The following REC114 variants were observed in gnomAD, a reference collection of about 807,000 sequenced individuals.
REC114 encodes the protein meiotic recombination protein REC114.
REC114 carries 27 observed loss-of-function variants against 31.3 expected under a neutral mutation model. The observed-to-expected ratio is 0.86, with a 90% CI of 0.64 to 1.19. REC114 has a LOEUF of 1.19. Ranked by LOEUF, REC114 falls within the 50% of genes most tolerant of loss-of-function variation. The pLI is 0.00. For synonymous variants in REC114, 134 were observed against 127.7 expected, an observed-to-expected ratio of 1.05 and a Z score of -0.33; for missense variants, 344 against 326.9, an observed-to-expected ratio of 1.05 and a Z score of -0.40.
intron 1 of REC114, among the ~76,000 whole-genome samples, chr15:73,446,640 A>C (rs981163206): frequency 7.3e-6 from 1 of 137,510 alleles, no homozygotes; most frequent in African/African-American, 2.9e-5. Flanking sequence ...ACTCTGTCTC[A>C]AAAAAAAAAA....
chr15:73,541,010 AC>A (rs1406616955), intron 3 of REC114, among the ~76,000 whole-genome samples: 33 of 152,244 alleles, frequency 2.2e-4, no homozygotes, highest in Admixed American at 1.9e-3. Context: ...CATCAAAGAA[AC>A]AGTCATATTA....
chr15:73,541,563 A>C (rs1894237302), intron 3 of REC114, among the ~76,000 whole-genome samples: 1 of 152,212 alleles, frequency 6.6e-6, no homozygotes, highest in Admixed American at 6.5e-5. Context: ...GATTAAAAAC[A>C]TTGTTCTGAG....
intron 3 of REC114, 116 bp from the exon 4 acceptor site, chr15:73,550,822 G>C (rs962917728): frequency 8.0e-6 from 7 of 875,394 alleles, no homozygotes; most frequent in Non-Finnish European, 1.3e-5. Context: ...GAAGATGACT[G>C]TTCCCTTATC....
At chr15:73,484,311 G>T (rs1893336772) in intron 2 of REC114, among the ~76,000 whole-genome samples, 1 of 151,968 alleles carries the variant, frequency 6.6e-6, no homozygotes, top group African/African-American at 2.4e-5. Context: ...GCCATGCTGT[G>T]CCCTCTCCCC....
chr15:73,470,532 T>G (rs1296966237), intron 1 of REC114, among the ~76,000 whole-genome samples: 1 of 152,186 alleles, frequency 6.6e-6, no homozygotes, highest in African/African-American at 2.4e-5. Flanking sequence ...TCTTATTTAC[T>G]TAACCATCCA....
intron 2 of REC114, among the ~76,000 whole-genome samples, chr15:73,477,569 A>G (rs1478939643): frequency 1.3e-5 from 2 of 151,964 alleles, no homozygotes; most frequent in Non-Finnish European, 2.9e-5. Flanking sequence ...GGCATACACC[A>G]CCATGCCTGG....
At chr15:73,493,291 A>C (rs1367097840) in intron 2 of REC114, among the ~76,000 whole-genome samples, 1 of 152,162 alleles carries the variant, frequency 6.6e-6, no homozygotes, top group African/African-American at 2.4e-5. Context: ...ACTCTTAGTG[A>C]AATCTCTGAC....
chr15:73,483,045 C>A (rs769536012), intron 2 of REC114, among the ~76,000 whole-genome samples: 15 of 151,914 alleles, frequency 9.9e-5, no homozygotes, highest in Non-Finnish European at 2.2e-4. Context: ...TTGATCTTAG[C>A]GGGTGTAAGG....
rs748357103 is a variant in REC114, at chr15:73,551,033, C to T, written c.429C>T (p.Tyr143=). The T allele has an allele frequency of 1.1e-5, 17 of 1,613,760 alleles. No homozygotes were observed. The highest frequency in any genetic ancestry group is 1.6e-4 in the Middle Eastern group (1 of 6,064). ...GTTGTGTTCAGAAGCTGGCACAATA[C>T]ATAACCGTGCAGGTGCCTGATGGAA... ...CCSCVQKLAQ[Y]ITVQVPDGNI... The change falls in exon 4 of 6, where the codon TAC becomes TAT. Residue 143 remains tyrosine (Y), a synonymous_variant. Coordinates refer to ENST00000331090, the MANE Select transcript of REC114 (RefSeq NM_001042367.2).
rs753968018 is a variant in REC114 at position 73,539,282 on chromosome 15, A to ATTTTTTTTTTTTTTT, written c.250-1191_250-1177dup. 2.7e-4 allele frequency among the ~76,000 whole-genome samples: 19 copies of ATTTTTTTTTTTTTTT among 70,822 alleles called. 3 individuals carry two copies. The highest frequency in any genetic ancestry group is 8.6e-4 in the African/African-American group (13 of 15,136). 46.5% of individuals were successfully genotyped at this position (70,822 alleles called of 152,430 possible). A position where few individuals can be genotyped will look rare whatever the true frequency, so the allele number is the denominator to read the frequency against. On this transcript the variant is annotated intron_variant, in intron 2 of 5. Transcript: ENST00000331090. Reference sequence around the variant, plus strand: ...GCTTAGAGGTAGCATTTCAGAACTGATTTTTTTTTTTTTTTTTTTTTTTTT... The same window carrying ATTTTTTTTTTTTTTT: ...GCTTAGAGGTAGCATTTCAGAACTGATTTTTTTTTTTTTTTTTTTTTTTTTTTTTTTTTTTTTTTT...
chr15:73,555,890 A>AT (rs762917122), intron 4 of REC114, among the ~76,000 whole-genome samples: 1 of 152,156 alleles, frequency 6.6e-6, no homozygotes, highest in Non-Finnish European at 1.5e-5. Context: ...TTGAGCAATA[A>AT]TTTTTAGAGT....
chr15:73,528,197 TTGA>T (rs1203015648), intron 2 of REC114, among the ~76,000 whole-genome samples: 1 of 152,188 alleles, frequency 6.6e-6, no homozygotes, highest in African/African-American at 2.4e-5. Context: ...AACAAAATAG[TTGA>T]TGAGGCAAAA....
chr15:73,524,046 T>G (rs1893974420), intron 2 of REC114, among the ~76,000 whole-genome samples: 1 of 152,184 alleles, frequency 6.6e-6, no homozygotes, highest in Non-Finnish European at 1.5e-5. Context: ...TTGTGAAAAA[T>G]CTATACAAGG....
chr15:73,551,076 C>A lies in REC114; in HGVS notation c.472C>A (p.Leu158Met). The A allele has an allele frequency of 6.2e-7, 1 of 1,613,674 alleles. No individual in the cohort carries two copies. Among genetic ancestry groups the A allele is most frequent in the Non-Finnish European group, 8.5e-7 (1 of 1,179,782 alleles). The change falls in exon 4 of 6, where the codon CTG becomes ATG. Residue 158 changes from leucine (L) to methionine (M), a missense_variant. By Grantham distance (15) the Leu-to-Met change is conservative. Transcript: ENST00000331090. ...TGATGGAAACATCCAGGAGCTTCAG[C>A]TGATTCCTGGCCCACCCAGGGCAAC... The part of the protein sequence containing the change: ...VPDGNIQELQ[L>M]IPGPPRATES...
At position 73,539,457 on chromosome 15, in the gene REC114, CTTTTT is replaced by C. The variant is rs58815458; in HGVS notation, c.250-1008_250-1004del. On this transcript the variant is annotated intron_variant, in intron 2 of 5. Transcript: ENST00000331090. ...AGGCACCTGCCACCACGCCCGGCTA[CTTTTT>C]TTTTTTTTTTTTTTTTTTTAAGGAA... 1.3e-3 allele frequency among the ~76,000 whole-genome samples: 136 copies of C among 104,278 alleles called. 1 individual carries two copies. Among genetic ancestry groups the C allele is most frequent in the Middle Eastern group, 5.0e-3 (1 of 200 alleles). 68.4% of individuals were successfully genotyped at this position (104,278 alleles called of 152,430 possible). A position where few individuals can be genotyped will look rare whatever the true frequency, so the allele number is the denominator to read the frequency against.
intron 2 of REC114, among the ~76,000 whole-genome samples, chr15:73,499,352 G>C (rs1893572528): frequency 6.6e-6 from 1 of 152,020 alleles, no homozygotes; most frequent in Admixed American, 6.6e-5. Flanking sequence ...AAATAGCAAA[G>C]TCAAGTACTT....
At chr15:73,556,654 T>A (rs1299192644) in intron 5 of REC114, among the ~76,000 whole-genome samples, 1 of 152,086 alleles carries the variant, frequency 6.6e-6, no homozygotes, top group Non-Finnish European at 1.5e-5. Context: ...GGAAAAGTGG[T>A]TGAATGTCCA....
At chr15:73,557,867 G>A (rs536175371) in intron 5 of REC114, among the ~76,000 whole-genome samples, 1 of 152,232 alleles carries the variant, frequency 6.6e-6, no homozygotes, top group East Asian at 1.9e-4. Context: ...AAAACCTTTT[G>A]GAAGGCAATT....
chr15:73,445,353 T>G (rs1465823963), intron 1 of REC114, among the ~76,000 whole-genome samples: 2 of 152,258 alleles, frequency 1.3e-5, no homozygotes, highest in Non-Finnish European at 2.9e-5. Context: ...ATGTTGTGAC[T>G]GGTTTGATCT....
Sources: gnomAD v4.1 joint callset for allele counts (sites outside exome capture counted in the v4.1 genomes callset) on GRCh38, gnomAD v4.1.1 for gene constraint, MANE v1.5 for transcripts, NCBI Gene and HGNC (gene_info 2026-07-23, HGNC 2026-07-21) for gene names.